The following GABRG3 variants were observed in gnomAD, a reference collection of about 807,000 sequenced individuals.
GABRG3 encodes the protein gamma-aminobutyric acid type A receptor subunit gamma3.
A neutral mutation model predicts 48.8 loss-of-function variants in GABRG3; 25 were observed. The observed-to-expected ratio is 0.51, with a 90% CI of 0.37 to 0.72. The LOEUF (loss-of-function observed/expected upper bound fraction) is 0.72. Ranked by LOEUF, GABRG3 falls within the 30% of genes least tolerant of loss-of-function variation. The probability of loss-of-function intolerance (pLI) is 0.00; values close to 1 mark genes in which losing one functional copy is unlikely to be tolerated. For synonymous variants in GABRG3, 227 were observed against 217.6 expected, an observed-to-expected ratio of 1.04 and a Z score of -0.38; for missense variants, 394 against 577.9, an observed-to-expected ratio of 0.68 and a Z score of 3.26.
chr15:27,326,929 A>T lies in GABRG3; in HGVS notation c.391A>T (p.Thr131Ser). The stretch of plus-strand genomic sequence containing the variant: ...GGTGGGGTTAATCTGGATCCCAGAC[A>T]CCATCTTCCGCAATTCTAAAACCGC... ...NMVGLIWIPDTIFRNSKTAEA... is the reference protein window; with the variant it reads ...NMVGLIWIPDSIFRNSKTAEA... The change falls in exon 4 of 10, where the codon ACC (threonine) becomes TCC (serine). Residue 131 changes from threonine (T) to serine (S), a missense_variant. By Grantham distance (58) the Thr-to-Ser change is moderately conservative. Around this residue, in one of 3 missense-constraint regions of GABRG3, gnomAD observed 218 missense variants for 309.9 expected, o/e 0.70. Coordinates refer to ENST00000615808, the MANE Select transcript of GABRG3 (RefSeq NM_033223.5). 1 of 1,614,034 alleles carries T rather than the reference A, an allele frequency of 6.2e-7. No individual in the cohort carries two copies. The highest frequency in any genetic ancestry group is 8.5e-7 in the Non-Finnish European group (1 of 1,179,904).
chr15:27,373,836 CTCATCAGTTCT>C (rs1895495108), intron 5 of GABRG3, among the ~76,000 whole-genome samples: 1 of 152,028 alleles, frequency 6.6e-6, no homozygotes, highest in African/African-American at 2.4e-5. Context: ...AAGGAGAATC[CTCATCAGTTCT>C]CCTGATCAGG....
At chr15:27,164,588 C>A (rs1887313616) in intron 3 of GABRG3, among the ~76,000 whole-genome samples, 1 of 152,204 alleles carries the variant, frequency 6.6e-6, no homozygotes, top group African/African-American at 2.4e-5. Context: ...CTCTTTTGAT[C>A]TAGATTGGCA....
chr15:26,983,202 C>G (rs961923482), intron 2 of GABRG3, among the ~76,000 whole-genome samples: 6 of 151,600 alleles, frequency 4.0e-5, no homozygotes, highest in Admixed American at 6.6e-5. Flanking sequence ...AACCATCAGG[C>G]CTTCTCATCC....
intron 3 of GABRG3, among the ~76,000 whole-genome samples, chr15:27,286,678 C>T (rs945999154): frequency 6.6e-6 from 1 of 152,126 alleles, no homozygotes; most frequent in South Asian, 2.1e-4. Context: ...CTAGAGAGCT[C>T]AAGTGCTTTT....
chr15:27,295,225 T>G lies in GABRG3; in HGVS notation c.271-31584T>G, dbSNP rs570751832. On this transcript the variant is annotated intron_variant, in intron 3 of 9. Coordinates refer to ENST00000615808, the MANE Select transcript of GABRG3 (RefSeq NM_033223.5). ...AAGTTTTAAAATTAAATTTTATTAT[T>G]TCGCCTTCCTTTCCAGTTCTTAATG... The G allele has an allele frequency of 3.3e-5, 5 of 152,374 alleles. No individual in the cohort carries two copies. In the South Asian group the frequency reaches 1.0e-3, roughly 32 times the overall value. The allele number at this position is 152,374 out of a possible 1,614,324, so 9.4% of individuals were successfully genotyped here.
chr15:27,350,841 A>G (rs1236867043), intron 5 of GABRG3, among the ~76,000 whole-genome samples: 2 of 152,138 alleles, frequency 1.3e-5, no homozygotes, highest in Non-Finnish European at 1.5e-5. Context: ...ACAGCCCTTT[A>G]TCAAGCCAGG....
intron 3 of GABRG3, among the ~76,000 whole-genome samples, chr15:27,313,260 G>GTATATATA (rs1391208486): frequency 7.1e-4 from 35 of 49,528 alleles, no homozygotes; most frequent in Non-Finnish European, 9.2e-4. Flanking sequence ...GTGTGTGTGT[G>GTATATATA]TGTATATATA....
intron 5 of GABRG3, among the ~76,000 whole-genome samples, chr15:27,369,553 C>T (rs776830796): frequency 2.6e-5 from 4 of 152,250 alleles, no homozygotes; most frequent in African/African-American, 7.2e-5. Context: ...CGCGGTGGCT[C>T]ATCCCTCTAA....
intron 3 of GABRG3, among the ~76,000 whole-genome samples, chr15:27,213,977 C>T (rs1017146062): frequency 3.3e-5 from 5 of 152,152 alleles, no homozygotes; most frequent in African/African-American, 9.7e-5. Context: ...AGGTAACAGT[C>T]TATTATTGAC....
At chr15:27,411,384 G>A (rs924936038) in intron 5 of GABRG3, among the ~76,000 whole-genome samples, 3 of 152,178 alleles carry the variant, frequency 2.0e-5, no homozygotes, top group Admixed American at 6.5e-5. Flanking sequence ...GGTTTTCATG[G>A]TTACCATAGT....
intron 5 of GABRG3, among the ~76,000 whole-genome samples, chr15:27,422,816 T>A (rs1595744745): frequency 1.3e-5 from 2 of 152,192 alleles, no homozygotes; most frequent in East Asian, 3.8e-4. Context: ...GGTGTGCTGA[T>A]TCACTAGGAG....
At chr15:27,026,456 C>T (rs557418979) in intron 2 of GABRG3, among the ~76,000 whole-genome samples, 2 of 152,302 alleles carry the variant, frequency 1.3e-5, no homozygotes, top group South Asian at 2.1e-4. Context: ...GCTTAAGTAA[C>T]GTTACGGTAT....
intron 3 of GABRG3, among the ~76,000 whole-genome samples, chr15:27,201,069 GC>G (rs758322611): frequency 2.2e-4 from 33 of 152,058 alleles, no homozygotes; most frequent in Non-Finnish European, 4.3e-4. Context: ...AAGAAATAGA[GC>G]AGAATATTTG....
At chr15:27,144,373 T>TTAA (rs1370810987) in intron 3 of GABRG3, among the ~76,000 whole-genome samples, 1 of 152,168 alleles carries the variant, frequency 6.6e-6, no homozygotes, top group Non-Finnish European at 1.5e-5. Context: ...TAAAGCAACA[T>TTAA]TCTTAGAGTA....
At chr15:27,205,941 G>A (rs947791051) in intron 3 of GABRG3, among the ~76,000 whole-genome samples, 1 of 151,836 alleles carries the variant, frequency 6.6e-6, no homozygotes, top group African/African-American at 2.4e-5. Context: ...CTGATTGTGT[G>A]TTTTTGGATC....
intron 3 of GABRG3, among the ~76,000 whole-genome samples, chr15:27,306,369 AT>A (rs1892447491): frequency 7.1e-6 from 1 of 140,716 alleles, no homozygotes; most frequent in Non-Finnish European, 1.5e-5. Context: ...AAACATATAT[AT>A]AATATAAACA....
At chr15:26,990,803 A>ATTT (rs36038223) in intron 2 of GABRG3, among the ~76,000 whole-genome samples, 3 of 129,442 alleles carry the variant, frequency 2.3e-5, no homozygotes, top group Admixed American at 7.8e-5. Flanking sequence ...ATCCATTTTG[A>ATTT]TTTTTTTTTT....
intron 3 of GABRG3, among the ~76,000 whole-genome samples, chr15:27,229,700 C>T (rs149306025): frequency 6.2e-4 from 94 of 152,248 alleles, no homozygotes; most frequent in African/African-American, 2.2e-3. Flanking sequence ...TGGTCTCTAA[C>T]TCCTGACCTC....
chr15:27,394,411 T>C (rs1253829003), intron 5 of GABRG3, among the ~76,000 whole-genome samples: 1 of 152,104 alleles, frequency 6.6e-6, no homozygotes, highest in Non-Finnish European at 1.5e-5. Flanking sequence ...TTATGTATGA[T>C]AAGTATATAA....
Sources: allele counts gnomAD v4.1 joint callset (sites outside exome capture counted in the v4.1 genomes callset), GRCh38; gene constraint gnomAD v4.1.1; regional missense constraint gnomAD v4.1.1; transcripts MANE v1.5; gene names NCBI Gene and HGNC (gene_info 2026-07-23, HGNC 2026-07-21).